The following ZNF256 variants were observed in gnomAD, a reference collection of about 807,000 sequenced individuals.
ZNF256 encodes bone marrow zinc finger 3.
In ZNF256, 4 loss-of-function variants were observed where a neutral mutation model predicts 7.9. That is an observed-to-expected ratio of 0.50 (90% CI 0.25 to 1.15). The LOEUF is 1.15. Ranked by LOEUF, ZNF256 falls within the 50% of genes most tolerant of loss-of-function variation. ZNF256 has a pLI of 0.15. For missense variants in ZNF256, 666 were observed against 755.9 expected (o/e 0.88, Z 1.39); for synonymous variants, 260 against 260.4 (o/e 1.00, Z 0.02).
In ZNF256 at chr19:57,947,618, T is replaced by C. The variant is rs1352703525; in HGVS notation, c.-144A>G. 1 of 777,724 alleles carries C rather than the reference T, an allele frequency of 1.3e-6. No homozygotes were observed. The highest frequency in any genetic ancestry group is 1.8e-6 in the Non-Finnish European group (1 of 559,652). 48.2% of individuals were successfully genotyped at this position (777,724 alleles called of 1,614,324 possible). A position where few individuals can be genotyped will look rare whatever the true frequency, so the allele number is the denominator to read the frequency against. ...CGCCTTCTCAGTCAGTCACGGATGA[T>C]GCTGACCCAGCGCTCCGGGGCTTTC... is the stretch of plus-strand genomic sequence containing the variant. On this transcript the variant is annotated 5_prime_UTR_variant, in exon 1 of 3. Transcript: ENST00000282308.
At position 57,942,063 on chromosome 19, in the gene ZNF256, TAA is replaced by T; in HGVS notation, c.743_744del (p.Phe248Ter). ...TGATCACTGAGGCTACAGCTTGTGC[TAA>T]AAGATTTCCCACATTCACTGCACAT... ...SYMCSECGKS[F>X]STSCSLSDHL... On this transcript the variant is annotated frameshift_variant, in exon 3 of 3. Coordinates refer to ENST00000282308, the MANE Select transcript of ZNF256 (RefSeq NM_005773.3). LOFTEE classifies it low-confidence loss of function (END_TRUNC). The T allele has an allele frequency of 1.2e-6, 2 of 1,614,256 alleles. No homozygotes were observed. The highest frequency in any genetic ancestry group is 1.7e-6 in the Non-Finnish European group (2 of 1,180,044).
rs765853090 is a variant in ZNF256 at position 57,940,894 on chromosome 19, C to T, written c.*30G>A. ...AATTTTGCAGGGACACTTCTCAGTC[C>T]GTAACAGCCCTATGTGTGTTACCTA... On this transcript the variant is annotated 3_prime_UTR_variant, in exon 3 of 3. Coordinates refer to ENST00000282308, the MANE Select transcript of ZNF256 (RefSeq NM_005773.3). 24 of 1,576,426 alleles carry T rather than the reference C, an allele frequency of 1.5e-5. 1 individual carries two copies. Among genetic ancestry groups the T allele is most frequent in the South Asian group, 3.4e-5 (3 of 87,374 alleles).
In ZNF256 at chr19:57,941,928, G is replaced by T. The variant is rs756600923; in HGVS notation, c.880C>A (p.Pro294Thr). The T allele has an allele frequency of 6.2e-7, 1 of 1,614,074 alleles. No homozygotes were observed. Among genetic ancestry groups the T allele is most frequent in the African/African-American group, 1.3e-5 (1 of 74,926 alleles). ...THRRIHTGVR[P>T]HQCDECGKLF... ...TTTCCACATTCATCACATTGATGAG[G>T]TCTTACTCCAGTGTGAATTCTTCGG... The change falls in exon 3 of 3, where the codon CCT becomes ACT. Residue 294 changes from proline (P) to threonine (T), a missense_variant. Pro to Thr is a conservative substitution (Grantham distance 38, BLOSUM62 -1). Transcript: ENST00000282308.
rs1284290310 is a variant in ZNF256, at chr19:57,942,362, T to C, written c.446A>G (p.Asn149Ser). The change falls in exon 3 of 3, where the codon AAT becomes AGT. Residue 149 changes from asparagine to serine, a missense_variant. Coordinates refer to ENST00000282308, the MANE Select transcript of ZNF256 (RefSeq NM_005773.3). ...GCTCAAAAACATGTCTCTGCCCCCATTGCTTCTGAAGTGTTTCTGTCCAAC... is the reference window on the plus strand; with the variant it reads ...GCTCAAAAACATGTCTCTGCCCCCACTGCTTCTGAAGTGTTTCTGTCCAAC... ...QHVGQKHFRS[N>S]GGRDMFLSSC... 5 of 1,614,100 alleles carry C rather than the reference T, an allele frequency of 3.1e-6. No individual in the cohort carries two copies. The highest frequency in any genetic ancestry group is 3.3e-5 in the Admixed American group (2 of 60,004).
At chr19:57,945,636 G>A (rs1240615730) in intron 1 of ZNF256, among the ~76,000 whole-genome samples, 2 of 152,150 alleles carry the variant, frequency 1.3e-5, no homozygotes, top group Non-Finnish European at 2.9e-5. Flanking sequence ...CCAGAGTGTG[G>A]ATATAAACAG....
chr19:57,942,009 A>G lies in ZNF256; in HGVS notation c.799T>C (p.Tyr267His). The G allele has an allele frequency of 6.2e-7, 1 of 1,614,148 alleles. No homozygotes were observed. ...GATTTCCCACATTCTCCACATGTAT[A>G]AGGCTTTTCTGAAGTGTGAACTCTC... The part of the protein sequence containing the change: ...HLRVHTSEKP[Y>H]TCGECGKSYR... The change falls in exon 3 of 3, where the codon TAT (tyrosine) becomes CAT (histidine). Residue 267 changes from tyrosine to histidine, a missense_variant. Coordinates refer to ENST00000282308, the MANE Select transcript of ZNF256 (RefSeq NM_005773.3).
rs1454061034 is a variant in ZNF256, at chr19:57,942,525, A to G, written c.283T>C (p.Cys95Arg). The change falls in exon 3 of 3, where the codon TGT (cysteine) becomes CGT (arginine). Residue 95 changes from cysteine to arginine, a missense_variant. By Grantham distance (180) the Cys-to-Arg change is radical. Transcript: ENST00000282308. ...SPQKTNPCEI[C>R]GPVLRQILHL... ...AAAATCTGTCTCAAGACTGGGCCAC[A>G]TATCTCACAGGGGTTGGTCTTCTGG... 1.2e-6 allele frequency: 2 copies of G among 1,614,110 alleles called. No homozygotes were observed. Among genetic ancestry groups the G allele is most frequent in the East Asian group, 2.2e-5 (1 of 44,900 alleles).
Position 57,947,630 on chromosome 19 carries a change from G to T in ZNF256, c.-156C>A, listed in dbSNP as rs1308482652. The T allele has an allele frequency of 4.5e-6, 3 of 664,130 alleles. No individual in the cohort carries two copies. The highest frequency in any genetic ancestry group is 6.6e-6 in the Non-Finnish European group (3 of 457,756). The allele number at this position is 664,130 out of a possible 1,614,324, so 41.1% of individuals were successfully genotyped here. A position where few individuals can be genotyped will look rare whatever the true frequency, so the allele number is the denominator to read the frequency against. ...CAGTCACGGATGATGCTGACCCAGCGCTCCGGGGCTTTCTACCAAGTAATC... is the reference window on the plus strand; with the variant it reads ...CAGTCACGGATGATGCTGACCCAGCTCTCCGGGGCTTTCTACCAAGTAATC... On this transcript the variant is annotated 5_prime_UTR_variant, in exon 1 of 3. Coordinates refer to ENST00000282308, the MANE Select transcript of ZNF256 (RefSeq NM_005773.3).
At position 57,947,478 on chromosome 19, in the gene ZNF256, A is replaced by C. The variant is rs2072775668; in HGVS notation, c.-4T>G. The C allele has an allele frequency of 2.4e-6, 3 of 1,249,028 alleles. No individual in the cohort carries two copies. The highest frequency in any genetic ancestry group is 3.0e-6 in the Non-Finnish European group (3 of 988,654). The allele number at this position is 1,249,028 out of a possible 1,614,324, so 77.4% of individuals were successfully genotyped here. Reference sequence around the variant, plus strand: ...CCGTCAGCTCGGCCGCCGCCATCTGACTCTGTGAGCGGAGCGGGGCCAGAG... The same window carrying C: ...CCGTCAGCTCGGCCGCCGCCATCTGCCTCTGTGAGCGGAGCGGGGCCAGAG... On this transcript the variant is annotated 5_prime_UTR_variant, in exon 1 of 3. Coordinates refer to ENST00000282308, the MANE Select transcript of ZNF256 (RefSeq NM_005773.3).
At position 57,941,391 on chromosome 19, in the gene ZNF256, T is replaced by C. The variant is rs61732968; in HGVS notation, c.1417A>G (p.Thr473Ala). 3.0e-4 allele frequency: 488 copies of C among 1,614,184 alleles called. No homozygotes were observed. The African/African-American group carries it at 5.7e-3, about 19-fold the overall frequency. ...TGTGAGATGAGGTAGGATTTACAGG[T>C]AAAGGATTTTCCACATTCACTGCAC... ...YECSECGKSF[T>A]CKSYLISHWK... Residue 473 changes from threonine to alanine, a missense_variant, in exon 3 of 3, where the codon ACC (threonine) becomes GCC (alanine). Physicochemically the swap from Thr to Ala is moderately conservative, Grantham distance 58. Coordinates refer to ENST00000282308, the MANE Select transcript of ZNF256 (RefSeq NM_005773.3).
Position 57,941,327 on chromosome 19 carries a change from C to A in ZNF256, c.1481G>T (p.Gly494Val). ...ATGAGTAAATGATTTCCCACACTCC[C>A]CACATTCATAAGGCCTTGCTCCAGT... ...VHTGARPYEC[G>V]ECGKSFTHSS... Residue 494 changes from glycine (G) to valine (V), a missense_variant, in exon 3 of 3, where the codon GGG becomes GTG. Coordinates refer to ENST00000282308, the MANE Select transcript of ZNF256 (RefSeq NM_005773.3). 2 of 1,613,840 alleles carry A rather than the reference C, an allele frequency of 1.2e-6. No homozygotes were observed. Among genetic ancestry groups the A allele is most frequent in the Non-Finnish European group, 1.7e-6 (2 of 1,179,972 alleles).
At chr19:57,942,700 G>T (rs2072739404) in intron 2 of ZNF256, 53 bp from the exon 3 acceptor site, 3 of 1,569,718 alleles carry the variant, frequency 1.9e-6, no homozygotes, top group South Asian at 2.4e-5. Flanking sequence ...TGGAGTGGAG[G>T]TAGCCCACAG....
Position 57,942,253 on chromosome 19 carries a change from C to T in ZNF256, c.555G>A (p.Gln185=), listed in dbSNP as rs778700276. 1.5e-5 allele frequency: 25 copies of T among 1,614,112 alleles called. No homozygotes were observed. The South Asian group carries it at 2.7e-4, about 18-fold the overall frequency. ...KDFLVRSRFL[Q]QQAAHTRKKS... ...TCTTTCTGGTGTGAGCAGCCTGTTG[C>T]TGAAGAAATCTTGATCTCACCAGGA... is the stretch of plus-strand genomic sequence containing the variant. Residue 185 remains glutamine (Q), a synonymous_variant, in exon 3 of 3, where the codon CAG becomes CAA. Transcript: ENST00000282308.
chr19:57,942,302 G>C lies in ZNF256; in HGVS notation c.506C>G (p.Thr169Ser). 1.9e-6 allele frequency: 3 copies of C among 1,614,226 alleles called. No individual in the cohort carries two copies. The highest frequency in any genetic ancestry group is 2.5e-6 in the Non-Finnish European group (3 of 1,180,042). Reference protein sequence around the residue: ...CTFEVSGKPFTCKEVGKDFLV... With the variant: ...CTFEVSGKPFSCKEVGKDFLV... ...GAAATCCTTCCCAACCTCCTTGCAA[G>C]TGAAGGGCTTCCCAGATACTTCAAA... The change falls in exon 3 of 3, where the codon ACT (threonine) becomes AGT (serine). Residue 169 changes from threonine to serine, a missense_variant. Thr to Ser is a moderately conservative substitution (Grantham distance 58, BLOSUM62 1). Coordinates refer to ENST00000282308, the MANE Select transcript of ZNF256 (RefSeq NM_005773.3).
chr19:57,945,502 C>T (rs2072760781), intron 1 of ZNF256, among the ~76,000 whole-genome samples: 1 of 152,176 alleles, frequency 6.6e-6, no homozygotes, highest in Admixed American at 6.5e-5. Context: ...TTCATGGGAG[C>T]AAAGTGGGAA....
rs542697875 is a variant in ZNF256, at chr19:57,947,663, A to T, written c.-189T>A. ...GCTTTCTACCAAGTAATCAGTCCAG[A>T]CAAATGCCAAAACGACCGCCACAAG... On this transcript the variant is annotated 5_prime_UTR_variant, in exon 1 of 3. Transcript: ENST00000282308. The T allele has an allele frequency of 6.0e-6, 3 of 498,804 alleles. No individual in the cohort carries two copies. In the South Asian group the frequency reaches 3.3e-4, roughly 55 times the overall value. 30.9% of individuals were successfully genotyped at this position (498,804 alleles called of 1,614,324 possible). A position where few individuals can be genotyped will look rare whatever the true frequency, so the allele number is the denominator to read the frequency against.
At chr19:57,945,302 C>A (rs753648871) in intron 1 of ZNF256, among the ~76,000 whole-genome samples, 1 of 152,188 alleles carries the variant, frequency 6.6e-6, no homozygotes, top group Non-Finnish European at 1.5e-5. Flanking sequence ...CAACCAGGTG[C>A]TGTAGAATGT....
At chr19:57,943,806 C>T in intron 2 of ZNF256, 128 bp downstream of exon 2, 1 of 1,267,986 alleles carries the variant, frequency 7.9e-7, no homozygotes, top group Non-Finnish European at 1.1e-6. Flanking sequence ...TTAGCCCTAC[C>T]AACCGCAGCA....
In ZNF256 at chr19:57,941,600, C is replaced by A. The variant is rs773098611; in HGVS notation, c.1208G>T (p.Gly403Val). ...TTCACTACACTCATAAGGCCCTTCT[C>A]CAATGTGAAGTCTCCGGTGTTTAAT... ...HLIKHRRLHI[G>V]EGPYECSECG... Residue 403 changes from glycine (G) to valine (V), a missense_variant, in exon 3 of 3, where the codon GGA (glycine) becomes GTA (valine). By Grantham distance (109) the Gly-to-Val change is moderately radical. Coordinates refer to ENST00000282308, the MANE Select transcript of ZNF256 (RefSeq NM_005773.3). 16 of 1,614,012 alleles carry A rather than the reference C, an allele frequency of 9.9e-6. No homozygotes were observed. Among genetic ancestry groups the A allele is most frequent in the African/African-American group, 1.3e-5 (1 of 74,908 alleles).
Sources: allele counts gnomAD v4.1 joint callset (sites outside exome capture counted in the v4.1 genomes callset), GRCh38; gene constraint gnomAD v4.1.1; transcripts MANE v1.5; gene names NCBI Gene and HGNC (gene_info 2026-07-23, HGNC 2026-07-21).